GART: variants seen among roughly 807,000 people sequenced by gnomAD.
GART encodes trifunctional purine biosynthetic protein adenosine-3.
Under a neutral mutation model 107.2 loss-of-function variants are expected in GART, and 43 were observed. That is an observed-to-expected ratio of 0.40 (90% CI 0.31 to 0.52). The LOEUF (loss-of-function observed/expected upper bound fraction) is 0.52, where lower values mean the gene tolerates loss of function less well. Among genes scored for constraint, GART ranks in the 20% least tolerant of loss-of-function variants. The probability of loss-of-function intolerance (pLI) is 0.52; values close to 1 mark genes in which losing one functional copy is unlikely to be tolerated. For synonymous variants in GART, 434 were observed against 427.0 expected, an observed-to-expected ratio of 1.02 and a Z score of -0.20; for missense variants, 1,107 against 1,206.5, an observed-to-expected ratio of 0.92 and a Z score of 1.22.
At chr21:33,509,985 G>T in intron 17 of GART, 65 bp from the exon 18 acceptor site, 2 of 1,441,646 alleles carry the variant, frequency 1.4e-6, no homozygotes, top group African/African-American at 1.4e-5. Flanking sequence ...ATAATGGAAA[G>T]AAAAATATTT....
chr21:33,522,944 CTAAA>C (rs767172902), intron 11 of GART, among the ~76,000 whole-genome samples: 3 of 152,184 alleles, frequency 2.0e-5, no homozygotes, highest in East Asian at 1.9e-4. Context: ...ACAAGTATCC[CTAAA>C]TAATTAAACT....
intron 1 of GART, among the ~76,000 whole-genome samples, chr21:33,540,018 A>G (rs554112724): frequency 6.6e-6 from 1 of 152,350 alleles, no homozygotes; most frequent in South Asian, 2.1e-4. Context: ...ATAAAATATC[A>G]ATTTTTAAAC....
intron 8 of GART, 59 bp from the exon 9 acceptor site, chr21:33,528,663 G>C: frequency 8.6e-7 from 1 of 1,160,512 alleles, no homozygotes. Context: ...TGAAGACACT[G>C]TATTACAAAT....
intron 2 of GART, among the ~76,000 whole-genome samples, chr21:33,535,590 C>T (rs2085289346): frequency 6.6e-6 from 1 of 152,124 alleles, no homozygotes; most frequent in South Asian, 2.1e-4. Context: ...GTATCACCTC[C>T]ATGATATTGT....
intron 6 of GART, chr21:33,531,108 AAATC>A (rs2085179381): frequency 2.5e-6 from 1 of 394,414 alleles, no homozygotes; most frequent in Non-Finnish European, 4.3e-6. Flanking sequence ...AAGTCAGAAA[AAATC>A]AAGCTACTCT....
chr21:33,522,092 C>G, intron 12 of GART, 96 bp downstream of exon 12: 1 of 889,124 alleles, frequency 1.1e-6, no homozygotes, highest in Non-Finnish European at 1.8e-6. Context: ...AGTAACCAAG[C>G]ATTGCTTTGG....
chr21:33,525,334 C>T (rs555611026), intron 10 of GART, among the ~76,000 whole-genome samples: 1 of 152,128 alleles, frequency 6.6e-6, no homozygotes, highest in African/African-American at 2.4e-5. Flanking sequence ...TGTGATCGCA[C>T]CACTGCTCCA....
chr21:33,540,921 T>C (rs2085401992), intron 1 of GART, among the ~76,000 whole-genome samples: 2 of 151,922 alleles, frequency 1.3e-5, no homozygotes, highest in African/African-American at 4.8e-5. Flanking sequence ...CCCAGATAGG[T>C]AAATAACTTG....
At chr21:33,520,260 TAC>T in intron 14 of GART, 102 bp downstream of exon 14, 1 of 921,844 alleles carries the variant, frequency 1.1e-6, no homozygotes, top group Non-Finnish European at 1.7e-6. Flanking sequence ...TCTTGTGATA[TAC>T]AGTCTCTCTT....
At chr21:33,505,885 G>A in intron 19 of GART, 89 bp downstream of exon 19, 1 of 1,546,212 alleles carries the variant, frequency 6.5e-7, no homozygotes, top group Non-Finnish European at 8.8e-7. Context: ...GAAGTCCCAA[G>A]AACAAGTGCC....
chr21:33,506,059 C>T lies in GART; in HGVS notation c.2498G>A (p.Ser833Asn), dbSNP rs1201682098. Residue 833 changes from serine to asparagine, a missense_variant, in exon 19 of 22, where the codon AGC becomes AAC. Transcript: ENST00000381815. The stretch of plus-strand genomic sequence containing the variant: ...GATAACAATATCAATTTGTGCAGAG[C>T]TATTTGGTTCCCGAGTACTGTCTAT... ...ALIDSTREPN[S>N]SAQIDIVISN... 1 of 1,613,950 alleles carries T rather than the reference C, an allele frequency of 6.2e-7. No individual in the cohort carries two copies. The highest frequency in any genetic ancestry group is 8.5e-7 in the Non-Finnish European group (1 of 1,180,024).
At position 33,522,179 on chromosome 21, in the gene GART, A is replaced by G; in HGVS notation, c.1393+9T>C. 1 of 1,602,930 alleles carries G rather than the reference A, an allele frequency of 6.2e-7. No individual in the cohort carries two copies. Among genetic ancestry groups the G allele is most frequent in the East Asian group, 2.2e-5 (1 of 44,820 alleles). ...AGTTAATGAATTAGCAAAGTATAGG[A>G]TCACTGACCTGATCTGGAAGTGGCT... On this transcript the variant is annotated intron_variant, in intron 12 of 21. Coordinates refer to ENST00000381815, the MANE Select transcript of GART (RefSeq NM_000819.5).
intron 4 of GART, among the ~76,000 whole-genome samples, chr21:33,533,669 CAG>C (rs756672890): frequency 1.2e-4 from 18 of 152,028 alleles, no homozygotes; most frequent in Non-Finnish European, 2.5e-4. Flanking sequence ...CTTTGGGAGG[CAG>C]AGAGAGGCGG....
intron 1 of GART, among the ~76,000 whole-genome samples, chr21:33,541,350 T>C (rs1291437806): frequency 2.6e-5 from 4 of 152,226 alleles, no homozygotes; most frequent in Non-Finnish European, 5.9e-5. Flanking sequence ...TTTCACTACG[T>C]TGGCCAGGCT....
At chr21:33,514,352 T>C (rs888830921) in intron 16 of GART, among the ~76,000 whole-genome samples, 12 of 152,334 alleles carry the variant, frequency 7.9e-5, no homozygotes, top group Admixed American at 6.5e-5. Flanking sequence ...CTTTAGAGGC[T>C]GATGCAAGGA....
At chr21:33,522,528 C>T (rs2084991943) in intron 11 of GART, among the ~76,000 whole-genome samples, 1 of 152,192 alleles carries the variant, frequency 6.6e-6, no homozygotes, top group South Asian at 2.1e-4. Flanking sequence ...TCCCTGAGAA[C>T]CGCTATTCTA....
chr21:33,528,839 G>C lies in GART; in HGVS notation c.811+11C>G. 1 of 1,584,582 alleles carries C rather than the reference G, an allele frequency of 6.3e-7. No individual in the cohort carries two copies. Among genetic ancestry groups the C allele is most frequent in the Non-Finnish European group, 8.7e-7 (1 of 1,155,264 alleles). On this transcript the variant is annotated intron_variant, in intron 8 of 21. Coordinates refer to ENST00000381815, the MANE Select transcript of GART (RefSeq NM_000819.5). ...TATAGGTGGCTTCCATAGTAATGTG[G>C]GTGGGCCTACCTGTATATGGAGTAC...
chr21:33,527,382 G>T (rs1379890915), intron 10 of GART, among the ~76,000 whole-genome samples: 2 of 152,116 alleles, frequency 1.3e-5, no homozygotes, highest in Admixed American at 1.3e-4. Context: ...AGCTGGGCCT[G>T]GTAGCATACA....
At position 33,539,339 on chromosome 21, in the gene GART, T is replaced by A. The variant is rs2085365097; in HGVS notation, c.-24A>T. 6.3e-7 allele frequency: 1 copy of A among 1,590,920 alleles called. No homozygotes were observed. Among genetic ancestry groups the A allele is most frequent in the Non-Finnish European group, 8.5e-7 (1 of 1,173,428 alleles). On this transcript the variant is annotated 5_prime_UTR_variant, in exon 2 of 22. Transcript: ENST00000381815. Reference sequence around the variant, plus strand: ...ATTGTTCTGTCTGTAAAGCAGAAATTCCAAAGGAAAATGAAACCTGCAGAA... The same window carrying A: ...ATTGTTCTGTCTGTAAAGCAGAAATACCAAAGGAAAATGAAACCTGCAGAA...
Sources: gnomAD v4.1 joint callset for allele counts (sites outside exome capture counted in the v4.1 genomes callset) on GRCh38, gnomAD v4.1.1 for gene constraint, MANE v1.5 for transcripts, NCBI Gene and HGNC (gene_info 2026-07-23, HGNC 2026-07-21) for gene names.